Variants in PPFIBP2 observed in about 807,000 individuals in gnomAD.
The protein encoded by PPFIBP2 is liprin-beta-2.
Under a neutral mutation model 118.3 loss-of-function variants are expected in PPFIBP2, and 118 were observed. The ratio of observed to expected loss-of-function variants is 1.00; its 90% CI spans 0.86 to 1.16. The LOEUF is 1.16. Among genes scored for constraint, PPFIBP2 ranks in the 50% most tolerant of loss-of-function variants. The pLI is 0.00. For synonymous variants in PPFIBP2, 414 were observed against 397.4 expected (o/e 1.04, Z -0.50); for missense variants, 1,195 against 1,073.1 (o/e 1.11, Z -1.59).
chr11:7,628,482 C>T (rs1178772488), intron 9 of PPFIBP2, 136 bp downstream of exon 9: 6 of 834,392 alleles, frequency 7.2e-6, no homozygotes, highest in South Asian at 6.2e-5. Flanking sequence ...AGGAGAATGA[C>T]TTGTGCCTTC....
At chr11:7,518,204 G>A (rs1183839363) in intron 1 of PPFIBP2, among the ~76,000 whole-genome samples, 3 of 152,216 alleles carry the variant, frequency 2.0e-5, no homozygotes, top group East Asian at 1.9e-4. Flanking sequence ...TTTGAGGGCC[G>A]TCGTCAAGCT....
At chr11:7,593,623 T>G (rs189914347) in intron 4 of PPFIBP2, among the ~76,000 whole-genome samples, 2 of 152,296 alleles carry the variant, frequency 1.3e-5, no homozygotes, top group Admixed American at 1.3e-4. Flanking sequence ...GATACAGGCC[T>G]AAGGGTGAAT....
chr11:7,547,523 T>C (rs1272405436), intron 1 of PPFIBP2, among the ~76,000 whole-genome samples: 1 of 152,156 alleles, frequency 6.6e-6, no homozygotes, highest in African/African-American at 2.4e-5. Context: ...AGTCTGCAGA[T>C]TGTTTCCTTC....
chr11:7,617,827 C>G (rs1377675948), intron 6 of PPFIBP2, among the ~76,000 whole-genome samples: 5 of 152,082 alleles, frequency 3.3e-5, no homozygotes, highest in Admixed American at 3.3e-4. Flanking sequence ...CAGGAAAAAT[C>G]CCCCCCACAT....
chr11:7,606,647 G>T (rs1192838336), intron 5 of PPFIBP2, among the ~76,000 whole-genome samples: 1 of 152,178 alleles, frequency 6.6e-6, no homozygotes, highest in Non-Finnish European at 1.5e-5. Context: ...GAATGTTAGT[G>T]TGGCTAATTC....
chr11:7,639,114 C>T (rs185214418), intron 14 of PPFIBP2, among the ~76,000 whole-genome samples: 2 of 152,296 alleles, frequency 1.3e-5, no homozygotes, highest in East Asian at 3.9e-4. Flanking sequence ...TGTACCATAG[C>T]CGCTCTCAGG....
At chr11:7,658,212 T>C (rs1381559343), downstream of PPFIBP2, among the ~76,000 whole-genome samples, 1 of 151,234 alleles carries the variant, frequency 6.6e-6, no homozygotes, top group East Asian at 2.0e-4. Context: ...TAGTTACATA[T>C]GTATACATGT....
rs759938584 is a variant in PPFIBP2 at position 7,630,911 on chromosome 11, C to T, written c.965-14C>T. 1 of 1,599,820 alleles carries T rather than the reference C, an allele frequency of 6.3e-7. No homozygotes were observed. The highest frequency in any genetic ancestry group is 8.6e-7 in the Non-Finnish European group (1 of 1,166,978). On this transcript the variant is annotated splice_polypyrimidine_tract_variant and intron_variant, in intron 10 of 23. Transcript: ENST00000299492. ...GAATTCAACAATTCAGTCTTACTAC[C>T]TTAATGCTTGCAGGGCCTTCGGAGA... is the stretch of plus-strand genomic sequence containing the variant.
intron 2 of PPFIBP2, among the ~76,000 whole-genome samples, chr11:7,557,196 T>G (rs1853731114): frequency 6.6e-6 from 1 of 152,170 alleles, no homozygotes; most frequent in Admixed American, 6.5e-5. Flanking sequence ...ATCTGCTATT[T>G]AACCTGTTCA....
At chr11:7,634,597 T>G (rs200403581) in intron 13 of PPFIBP2, 45 bp downstream of exon 13, 1 of 1,515,658 alleles carries the variant, frequency 6.6e-7, no homozygotes, top group African/African-American at 1.4e-5. Flanking sequence ...GTTACTTTTT[T>G]GGGCCTAGCA....
At chr11:7,568,297 G>A (rs764297891) in intron 3 of PPFIBP2, among the ~76,000 whole-genome samples, 3 of 152,168 alleles carry the variant, frequency 2.0e-5, no homozygotes, top group Non-Finnish European at 4.4e-5. Flanking sequence ...ATGGGTACTG[G>A]TTCTTCCCAT....
chr11:7,536,336 G>A (rs564874316), intron 1 of PPFIBP2, among the ~76,000 whole-genome samples: 3 of 152,290 alleles, frequency 2.0e-5, no homozygotes, highest in African/African-American at 7.2e-5. Context: ...CAGAGAGCAC[G>A]GGAGGTAGGC....
intron 2 of PPFIBP2, among the ~76,000 whole-genome samples, chr11:7,561,749 A>G (rs1336805800): frequency 6.6e-6 from 1 of 152,258 alleles, no homozygotes; most frequent in Non-Finnish European, 1.5e-5. Flanking sequence ...CCCCAAACAT[A>G]ACATCATACA....
At chr11:7,649,941 G>C (rs1015376829) in intron 21 of PPFIBP2, among the ~76,000 whole-genome samples, 6 of 152,180 alleles carry the variant, frequency 3.9e-5, no homozygotes, top group Admixed American at 1.3e-4. Context: ...AGGAGAGGGG[G>C]AGGGAAAGAC....
At chr11:7,550,249 A>G (rs1030400232) in intron 2 of PPFIBP2, among the ~76,000 whole-genome samples, 6 of 152,222 alleles carry the variant, frequency 3.9e-5, no homozygotes, top group Non-Finnish European at 8.8e-5. Context: ...TACCTGATAC[A>G]CTTCAGTGGC....
At chr11:7,551,284 C>T (rs575109544) in intron 2 of PPFIBP2, among the ~76,000 whole-genome samples, 1 of 152,282 alleles carries the variant, frequency 6.6e-6, no homozygotes, top group South Asian at 2.1e-4. Context: ...TCAGAGCCTT[C>T]AGCCAAAGAG....
At chr11:7,637,412 T>C (rs919667189) in intron 14 of PPFIBP2, among the ~76,000 whole-genome samples, 2 of 152,204 alleles carry the variant, frequency 1.3e-5, no homozygotes, top group African/African-American at 2.4e-5. Flanking sequence ...CTAGGCCCTG[T>C]GGATATGTTA....
chr11:7,604,868 G>C (rs1047840446), intron 5 of PPFIBP2, among the ~76,000 whole-genome samples: 2 of 152,164 alleles, frequency 1.3e-5, no homozygotes, highest in African/African-American at 2.4e-5. Context: ...ATGTGAGCAG[G>C]AGCCATTCTG....
intron 1 of PPFIBP2, among the ~76,000 whole-genome samples, chr11:7,529,110 A>C (rs1355867394): frequency 6.6e-6 from 1 of 152,054 alleles, no homozygotes; most frequent in Non-Finnish European, 1.5e-5. Flanking sequence ...AAGTTGGGGG[A>C]GCATCTGGGC....
Sources: gnomAD v4.1 joint callset for allele counts (sites outside exome capture counted in the v4.1 genomes callset) on GRCh38, gnomAD v4.1.1 for gene constraint, MANE v1.5 for transcripts, NCBI Gene and HGNC (gene_info 2026-07-23, HGNC 2026-07-21) for gene names.